LNPK: variants seen among roughly 807,000 people sequenced by gnomAD.
LNPK encodes lunapark, ER junction formation factor, also known as endoplasmic reticulum junction formation protein lunapark.
Under a neutral mutation model 55.2 loss-of-function variants are expected in LNPK, and 29 were observed. The ratio of observed to expected loss-of-function variants is 0.53; its 90% confidence interval spans 0.39 to 0.72. The LOEUF (loss-of-function observed/expected upper bound fraction) is 0.72, where lower values mean the gene tolerates loss of function less well. LNPK is among the 30% of genes least tolerant of loss of function. The pLI is 0.00. For synonymous variants in LNPK, 162 were observed against 168.2 expected, an observed-to-expected ratio of 0.96 and a Z score of 0.29; for missense variants, 467 against 494.8, an observed-to-expected ratio of 0.94 and a Z score of 0.53.
intron 12 of LNPK, among the ~76,000 whole-genome samples, chr2:175,935,947 A>G (rs990746559): frequency 1.3e-5 from 2 of 151,974 alleles, no homozygotes; most frequent in Admixed American, 6.6e-5. Flanking sequence ...CTATTAGCTT[A>G]CAGATATTCA....
intron 1 of LNPK, 34 bp from the exon 2 acceptor site, chr2:175,995,680 TAAAC>T: frequency 9.7e-7 from 1 of 1,036,174 alleles, no homozygotes; most frequent in African/African-American, 1.6e-5. Flanking sequence ...AATGTTAAGT[TAAAC>T]ACACAGCATA....
chr2:175,965,531 T>C (rs1686282560), intron 6 of LNPK, among the ~76,000 whole-genome samples: 1 of 152,184 alleles, frequency 6.6e-6, no homozygotes, highest in South Asian at 2.1e-4. Context: ...AAATGTCATA[T>C]TCATTCCAAA....
chr2:175,947,605 G>C lies in LNPK; in HGVS notation c.581C>G (p.Ser194Cys). ...AGAACTGTCCTTTGGTGGTCCAGGAGATACTGGAACTTGTGGAGGAGGGCC... is the reference window on the plus strand; with the variant it reads ...AGAACTGTCCTTTGGTGGTCCAGGACATACTGGAACTTGTGGAGGAGGGCC... ...NQGPPPQVPVSPGPPKDSSAP... is the reference protein window; with the variant it reads ...NQGPPPQVPVCPGPPKDSSAP... Residue 194 changes from serine (S) to cysteine (C), a missense_variant, in exon 9 of 13, where the codon TCT becomes TGT. By Grantham distance (112) the Ser-to-Cys change is moderately radical. Coordinates refer to ENST00000272748, the MANE Select transcript of LNPK (RefSeq NM_030650.3). 1 of 1,613,966 alleles carries C rather than the reference G, an allele frequency of 6.2e-7. No individual in the cohort carries two copies. Among genetic ancestry groups the C allele is most frequent in the Non-Finnish European group, 8.5e-7 (1 of 1,179,866 alleles).
intron 8 of LNPK, among the ~76,000 whole-genome samples, chr2:175,958,246 C>G (rs1685798644): frequency 6.6e-6 from 1 of 152,238 alleles, no homozygotes; most frequent in Non-Finnish European, 1.5e-5. Context: ...TGAGAACAGA[C>G]AGACTGCCTC....
chr2:175,987,335 AT>A (rs908547597), intron 4 of LNPK, among the ~76,000 whole-genome samples: 2 of 152,216 alleles, frequency 1.3e-5, no homozygotes, highest in African/African-American at 4.8e-5. Context: ...ACGGAATACT[AT>A]GCAGCCATAA....
chr2:175,994,197 T>C (rs1388875404), intron 2 of LNPK: 1 of 981,344 alleles, frequency 1.0e-6, no homozygotes. Flanking sequence ...TCCATAAGAG[T>C]TGTTAACATT....
At chr2:175,937,602 G>A (rs1006076025) in intron 11 of LNPK, 88 bp from the exon 12 acceptor site, 1 of 919,336 alleles carries the variant, frequency 1.1e-6, no homozygotes. Flanking sequence ...CACTTTTGCA[G>A]ATATTCAAAA....
intron 8 of LNPK, among the ~76,000 whole-genome samples, chr2:175,951,485 TGA>T (rs1553501527): frequency 2.6e-5 from 4 of 151,268 alleles, no homozygotes; most frequent in Non-Finnish European, 1.5e-5. Flanking sequence ...TTTCCATTCC[TGA>T]GTTACTTCAC....
At chr2:175,937,708 A>G in intron 11 of LNPK, 194 bp from the exon 12 acceptor site, 1 of 427,578 alleles carries the variant, frequency 2.3e-6, no homozygotes, top group Non-Finnish European at 4.1e-6. Context: ...TTAGAATTTT[A>G]ATTTTTAAAA....
chr2:175,981,158 G>A (rs1211577545), intron 4 of LNPK, among the ~76,000 whole-genome samples: 1 of 152,126 alleles, frequency 6.6e-6, no homozygotes, highest in Non-Finnish European at 1.5e-5. Context: ...GTTGGTCTGT[G>A]CCACCAACAG....
At chr2:175,934,434 TTTA>T (rs1232481536) in intron 12 of LNPK, among the ~76,000 whole-genome samples, 1 of 152,214 alleles carries the variant, frequency 6.6e-6, no homozygotes, top group African/African-American at 2.4e-5. Context: ...TGCCATGAGT[TTTA>T]TTATTAGGAA....
rs1683958161 is a variant in LNPK, at chr2:175,925,250, A to T, written c.*4717T>A. The T allele has an allele frequency of 6.6e-6, 1 of 152,194 alleles. No homozygotes were observed. Among genetic ancestry groups the T allele is most frequent in the South Asian group, 2.1e-4 (1 of 4,830 alleles). The allele number at this position is 152,194 out of a possible 1,614,324, so 9.4% of individuals were successfully genotyped here. On this transcript the variant is annotated 3_prime_UTR_variant, in exon 13 of 13. Transcript: ENST00000272748. ...CTAATGCATAAAATGAGTTTGTATGAGAAATAGCAACTTCAAGAATAAAAG... is the reference window on the plus strand; with the variant it reads ...CTAATGCATAAAATGAGTTTGTATGTGAAATAGCAACTTCAAGAATAAAAG...
chr2:175,958,063 G>C (rs977281250), intron 8 of LNPK, among the ~76,000 whole-genome samples: 10 of 152,210 alleles, frequency 6.6e-5, no homozygotes, highest in African/African-American at 2.4e-4. Flanking sequence ...CAGGAAGCTC[G>C]AACTGGGTGG....
intron 5 of LNPK, among the ~76,000 whole-genome samples, chr2:175,972,452 T>C (rs1180442701): frequency 3.3e-5 from 5 of 152,070 alleles, no homozygotes; most frequent in Admixed American, 3.3e-4. Flanking sequence ...ATTCAAAAAA[T>C]TTTGGATTTA....
intron 1 of LNPK, among the ~76,000 whole-genome samples, chr2:175,997,746 AT>A (rs1300643891): frequency 3.4e-5 from 2 of 59,442 alleles, no homozygotes; most frequent in African/African-American, 5.8e-5. Flanking sequence ...TATAAATATA[AT>A]TTTTTTTTGA....
chr2:175,942,681 TAAAAG>T (rs1254248126), intron 9 of LNPK, among the ~76,000 whole-genome samples: 2 of 151,472 alleles, frequency 1.3e-5, no homozygotes, highest in Non-Finnish European at 3.0e-5. Flanking sequence ...AAGCAATACT[TAAAAG>T]AAAAAATTTA....
intron 1 of LNPK, among the ~76,000 whole-genome samples, chr2:175,998,438 G>A (rs1186689630): frequency 3.6e-4 from 45 of 126,500 alleles, no homozygotes; most frequent in Non-Finnish European, 4.7e-4. Context: ...GCGAGACTCC[G>A]TCTCACAAAA....
intron 11 of LNPK, 104 bp downstream of exon 11, chr2:175,938,209 A>C (rs1363716042): frequency 4.2e-6 from 3 of 708,474 alleles, no homozygotes; most frequent in Non-Finnish European, 7.3e-6. Context: ...TAACCAATGT[A>C]TACAAAGAGA....
intron 4 of LNPK, among the ~76,000 whole-genome samples, chr2:175,984,094 A>C (rs1030905714): frequency 6.6e-6 from 1 of 152,160 alleles, no homozygotes; most frequent in African/African-American, 2.4e-5. Context: ...TTTGCTCTGC[A>C]AAAGACCCTG....
Sources: allele counts gnomAD v4.1 joint callset (sites outside exome capture counted in the v4.1 genomes callset), GRCh38; gene constraint gnomAD v4.1.1; transcripts MANE v1.5; gene names NCBI Gene and HGNC (gene_info 2026-07-23, HGNC 2026-07-21).